The following CNTNAP2 variants were observed in gnomAD, a reference collection of about 807,000 sequenced individuals.
CNTNAP2 encodes contactin-associated protein-like 2.
A neutral mutation model predicts 155.2 loss-of-function variants in CNTNAP2; 98 were observed. The observed-to-expected ratio is 0.63, with a 90% CI of 0.54 to 0.75. CNTNAP2 has a LOEUF of 0.75. Among genes scored for constraint, CNTNAP2 ranks in the 30% least tolerant of loss-of-function variants. The pLI is 0.00. For missense variants in CNTNAP2, 1,727 were observed against 1,688.1 expected (o/e 1.02, Z -0.40); for synonymous variants, 651 against 631.2 (o/e 1.03, Z -0.47).
chr7:146,377,376 A>G (rs1388199984), intron 1 of CNTNAP2, among the ~76,000 whole-genome samples: 2 of 152,050 alleles, frequency 1.3e-5, no homozygotes, highest in Non-Finnish European at 1.5e-5. Flanking sequence ...TCTGCCGTCT[A>G]CCTGCTGAGT....
chr7:147,450,067 G>C (rs1286409208), intron 10 of CNTNAP2, among the ~76,000 whole-genome samples: 2 of 152,122 alleles, frequency 1.3e-5, no homozygotes, highest in Non-Finnish European at 2.9e-5. Flanking sequence ...TTTATGACAA[G>C]ATATCACTCC....
intron 10 of CNTNAP2, among the ~76,000 whole-genome samples, chr7:147,483,844 G>T: frequency 6.6e-6 from 1 of 152,184 alleles, no homozygotes; most frequent in East Asian, 1.9e-4. Flanking sequence ...GGCCTGTACA[G>T]AATAGTGGCT....
At chr7:147,181,573 A>G (rs1802455632) in intron 8 of CNTNAP2, among the ~76,000 whole-genome samples, 1 of 152,220 alleles carries the variant, frequency 6.6e-6, no homozygotes, top group Non-Finnish European at 1.5e-5. Context: ...ACACTGAGAA[A>G]TATTCCAACA....
chr7:148,196,558 G>A (rs1416972805), intron 18 of CNTNAP2, among the ~76,000 whole-genome samples: 1 of 152,116 alleles, frequency 6.6e-6, no homozygotes, highest in Non-Finnish European at 1.5e-5. Flanking sequence ...ACAGCTCCCG[G>A]CACTTTCTAA....
Position 146,711,305 on chromosome 7 carries a change from ATATAT to A in CNTNAP2, c.98-62960_98-62956del, listed in dbSNP as rs914915680. Among the ~76,000 whole-genome samples, 680 of 142,318 alleles carry A rather than the reference ATATAT, an allele frequency of 4.8e-3. 6 individuals carry two copies. Among genetic ancestry groups the A allele is most frequent in the African/African-American group, 0.016 (642 of 40,204 alleles). 93.4% of individuals were successfully genotyped at this position (142,318 alleles called of 152,430 possible). A position where few individuals can be genotyped will look rare whatever the true frequency, so the allele number is the denominator to read the frequency against. On this transcript the variant is annotated intron_variant, in intron 1 of 23. Transcript: ENST00000361727. The stretch of plus-strand genomic sequence containing the variant: ...AGAAAACATAAACATACATATATGT[ATATAT>A]TATATGTGTATAATATATGTACATA...
At chr7:146,792,434 C>T (rs1802691314) in intron 2 of CNTNAP2, among the ~76,000 whole-genome samples, 1 of 152,182 alleles carries the variant, frequency 6.6e-6, no homozygotes, top group South Asian at 2.1e-4. Context: ...ACCAAGATAC[C>T]AACATTGATC....
intron 1 of CNTNAP2, among the ~76,000 whole-genome samples, chr7:146,471,029 T>G (rs1191872965): frequency 6.6e-6 from 1 of 152,158 alleles, no homozygotes; most frequent in African/African-American, 2.4e-5. Context: ...TAACGATACT[T>G]ACATGGGTTA....
At chr7:147,023,900 G>A (rs1798856784) in intron 3 of CNTNAP2, among the ~76,000 whole-genome samples, 1 of 152,184 alleles carries the variant, frequency 6.6e-6, no homozygotes, top group African/African-American at 2.4e-5. Context: ...TAATTTGCAT[G>A]TGTAGTTTAT....
intron 15 of CNTNAP2, among the ~76,000 whole-genome samples, chr7:148,066,787 C>T (rs372340014): frequency 2.0e-5 from 3 of 152,122 alleles, no homozygotes; most frequent in Non-Finnish European, 4.4e-5. Context: ...CGTGAGCCAC[C>T]GCGCCCAGCC....
chr7:147,953,228 A>G (rs188432446), intron 14 of CNTNAP2, among the ~76,000 whole-genome samples: 1 of 152,274 alleles, frequency 6.6e-6, no homozygotes, highest in Admixed American at 6.5e-5. Context: ...TCTTCCCCCT[A>G]AACTGAAAGC....
At chr7:146,735,403 C>T (rs1350106036) in intron 1 of CNTNAP2, among the ~76,000 whole-genome samples, 2 of 151,972 alleles carry the variant, frequency 1.3e-5, no homozygotes, top group Admixed American at 1.3e-4. Flanking sequence ...AATACAAAAA[C>T]AACTAGCCAG....
intron 15 of CNTNAP2, among the ~76,000 whole-genome samples, chr7:148,095,752 C>A (rs1193364469): frequency 6.6e-6 from 1 of 152,160 alleles, no homozygotes; most frequent in African/African-American, 2.4e-5. Flanking sequence ...CATTTTTAGT[C>A]CTGGTCCCTA....
In CNTNAP2 at chr7:148,415,453, C is replaced by T. The variant is rs760047247; in HGVS notation, c.3833C>T (p.Thr1278Ile). 49 of 1,614,014 alleles carry T rather than the reference C, an allele frequency of 3.0e-5. No individual in the cohort carries two copies. The highest frequency in any genetic ancestry group is 3.9e-5 in the Non-Finnish European group (46 of 1,180,038). ...IAVVIFTILCTLVFLIRYMFR... is the reference protein window; with the variant it reads ...IAVVIFTILCILVFLIRYMFR... ...GTGGTGATTTTCACCATCCTGTGCA[C>T]CCTGGTCTTCCTGATCCGGTACATG... is the stretch of plus-strand genomic sequence containing the variant. The change falls in exon 24 of 24, where the codon ACC becomes ATC. Residue 1278 changes from threonine to isoleucine, a missense_variant. By Grantham distance (89) the Thr-to-Ile change is moderately conservative (BLOSUM62 -1). Transcript: ENST00000361727.
chr7:146,205,042 G>A (rs1208252442), intron 1 of CNTNAP2, among the ~76,000 whole-genome samples: 1 of 152,042 alleles, frequency 6.6e-6, no homozygotes, highest in African/African-American at 2.4e-5. Context: ...AAATATGAGT[G>A]AAGATATATG....
intron 15 of CNTNAP2, among the ~76,000 whole-genome samples, chr7:148,071,555 T>C (rs1327855393): frequency 6.6e-6 from 1 of 152,140 alleles, no homozygotes; most frequent in Non-Finnish European, 1.5e-5. Context: ...GAGAAAGTAA[T>C]GTCTTGAGGA....
intron 9 of CNTNAP2, among the ~76,000 whole-genome samples, chr7:147,376,673 G>A (rs561186992): frequency 6.6e-6 from 1 of 151,906 alleles, no homozygotes; most frequent in South Asian, 2.1e-4. Flanking sequence ...TATTTACTCA[G>A]TTCATCCTCA....
intron 17 of CNTNAP2, among the ~76,000 whole-genome samples, chr7:148,159,123 C>T (rs977598207): frequency 1.3e-5 from 2 of 152,128 alleles, no homozygotes; most frequent in African/African-American, 4.8e-5. Context: ...GGTTTCTGCT[C>T]CTTCGTGTTT....
At chr7:147,735,593 T>A (rs9701560) in intron 13 of CNTNAP2, among the ~76,000 whole-genome samples, 92,393 of 151,682 alleles carry the variant, frequency 0.61, 29,908 homozygotes, top group East Asian at 0.9. Flanking sequence ...CTTTCTGTCT[T>A]GTTGATCTGT....
intron 15 of CNTNAP2, among the ~76,000 whole-genome samples, chr7:147,990,520 G>A (rs150496660): frequency 2.1e-4 from 32 of 152,050 alleles, no homozygotes; most frequent in African/African-American, 3.9e-4. Flanking sequence ...ACATCTCTCC[G>A]GCCTCTCTGG....
Sources: gnomAD v4.1 joint callset for allele counts (sites outside exome capture counted in the v4.1 genomes callset) on GRCh38, gnomAD v4.1.1 for gene constraint, MANE v1.5 for transcripts, NCBI Gene and HGNC (gene_info 2026-07-23, HGNC 2026-07-21) for gene names.